The following CNTNAP4 variants were observed in gnomAD, a reference collection of about 807,000 sequenced individuals.
CNTNAP4 encodes contactin-associated protein-like 4.
A neutral mutation model predicts 148.4 loss-of-function variants in CNTNAP4; 98 were observed. The ratio of observed to expected loss-of-function variants is 0.66; its 90% confidence interval spans 0.56 to 0.78. CNTNAP4 has a LOEUF of 0.78. Among genes scored for constraint, CNTNAP4 ranks in the 30% least tolerant of loss-of-function variants. CNTNAP4 has a pLI of 0.00. For synonymous variants in CNTNAP4, 730 were observed against 565.1 expected, an observed-to-expected ratio of 1.29 and a Z score of -4.14; for missense variants, 1,935 against 1,565.6, an observed-to-expected ratio of 1.24 and a Z score of -3.98.
chr16:76,538,909 C>T (rs1270622014), intron 19 of CNTNAP4, among the ~76,000 whole-genome samples: 1 of 151,986 alleles, frequency 6.6e-6, no homozygotes, highest in Non-Finnish European at 1.5e-5. Context: ...TTCTCTTTCC[C>T]ACATCTAGAT....
Position 76,553,033 on chromosome 16 carries a change from C to T in CNTNAP4, c.3443-250C>T, listed in dbSNP as rs977408725. 2.0e-5 allele frequency among the ~76,000 whole-genome samples: 3 copies of T among 152,124 alleles called. No homozygotes were observed. The East Asian group carries it at 5.8e-4, about 29-fold the overall frequency. On this transcript the variant is annotated intron_variant, in intron 21 of 23. Transcript: ENST00000611870. ...CTTCTTAACCTGACCCATTCTTATGCTTTGTTTCTAGGGAGCTTACCATAT... is the reference window on the plus strand; with the variant it reads ...CTTCTTAACCTGACCCATTCTTATGTTTTGTTTCTAGGGAGCTTACCATAT...
intron 3 of CNTNAP4, among the ~76,000 whole-genome samples, chr16:76,383,395 GA>G (rs34346486): frequency 0.13 from 7,719 of 58,218 alleles, 455 homozygotes; most frequent in African/African-American, 0.27. Context: ...TACAGGAACA[GA>G]AAAAAAAAAA....
chr16:76,552,311 ATTTGGATGGG>A (rs2084986011), intron 21 of CNTNAP4, among the ~76,000 whole-genome samples: 1 of 152,088 alleles, frequency 6.6e-6, no homozygotes, highest in Admixed American at 6.6e-5. Context: ...TCAAGATGAG[ATTTGGATGGG>A]GACACAGAGC....
intron 3 of CNTNAP4, among the ~76,000 whole-genome samples, chr16:76,365,162 T>G (rs2013957168): frequency 1.3e-5 from 2 of 152,158 alleles, no homozygotes; most frequent in Non-Finnish European, 2.9e-5. Context: ...TTTTGTCAGG[T>G]TTGTCAAAGA....
chr16:76,398,884 C>T (rs1268334730), intron 3 of CNTNAP4, among the ~76,000 whole-genome samples: 1 of 152,030 alleles, frequency 6.6e-6, no homozygotes, highest in Non-Finnish European at 1.5e-5. Flanking sequence ...TATGGTTTGG[C>T]TGTGTCCTCA....
At chr16:76,487,351 G>A (rs1453621541) in intron 12 of CNTNAP4, among the ~76,000 whole-genome samples, 1 of 152,152 alleles carries the variant, frequency 6.6e-6, no homozygotes, top group Non-Finnish European at 1.5e-5. Context: ...ATTGTTACCA[G>A]ATCACAAACT....
chr16:76,479,671 T>A lies in CNTNAP4; in HGVS notation c.1882+133T>A, dbSNP rs998122796. The A allele has an allele frequency of 1.3e-5, 11 of 853,616 alleles. No individual in the cohort carries two copies. The Admixed American group carries it at 1.7e-4, about 13-fold the overall frequency. 52.9% of individuals were successfully genotyped at this position (853,616 alleles called of 1,614,324 possible). On this transcript the variant is annotated intron_variant, in intron 12 of 23. Coordinates refer to ENST00000611870, the MANE Select transcript of CNTNAP4 (RefSeq NM_033401.5). ...AATATGTATTGTTCCTTAGAAAAAC[T>A]GAACATAAATCTTAAAAAAATAATT...
At position 76,535,612 on chromosome 16, in the gene CNTNAP4, C is replaced by T. The variant is rs2084180701; in HGVS notation, c.2823C>T (p.Thr941=). The T allele has an allele frequency of 1.2e-6, 2 of 1,613,508 alleles. No individual in the cohort carries two copies. The highest frequency in any genetic ancestry group is 1.7e-6 in the Non-Finnish European group (2 of 1,180,004). The part of the protein sequence containing the change: ...CIRSLQLNGM[T]LDLEERAQVT... Reference sequence around the variant, plus strand: ...GGTCTCTGCAGTTGAATGGGATGACCCTGGATTTGGAAGAAAGAGCCCAGG... The same window carrying T: ...GGTCTCTGCAGTTGAATGGGATGACTCTGGATTTGGAAGAAAGAGCCCAGG... Residue 941 remains threonine (T), a synonymous_variant, in exon 18 of 24, where the codon ACC becomes ACT. Transcript: ENST00000611870.
At chr16:76,293,402 T>C (rs1411817524) in intron 1 of CNTNAP4, among the ~76,000 whole-genome samples, 1 of 152,194 alleles carries the variant, frequency 6.6e-6, no homozygotes, top group Non-Finnish European at 1.5e-5. Context: ...ATTTGCTCTA[T>C]CAAACAAAGC....
chr16:76,551,243 T>C (rs1284463841), intron 21 of CNTNAP4, among the ~76,000 whole-genome samples: 1 of 151,912 alleles, frequency 6.6e-6, no homozygotes, highest in African/African-American at 2.4e-5. Flanking sequence ...AAACTCCATC[T>C]CTACTAAAAA....
rs1042203429 is a variant in CNTNAP4 at position 76,438,208 on chromosome 16, G to A, written c.539-9804G>A. Among the ~76,000 whole-genome samples, 7 of 152,080 alleles carry A rather than the reference G, an allele frequency of 4.6e-5. No homozygotes were observed. In the East Asian group the frequency reaches 5.8e-4, roughly 13 times the overall value. On this transcript the variant is annotated intron_variant, in intron 4 of 23. Coordinates refer to ENST00000611870, the MANE Select transcript of CNTNAP4 (RefSeq NM_033401.5). ...GAAGAAGATCAGAGAGCAAGGGTCC[G>A]TGCTCCTGCAGACACATTTCCCTCA...
chr16:76,370,289 G>GA (rs370717129), intron 3 of CNTNAP4, among the ~76,000 whole-genome samples: 140 of 146,962 alleles, frequency 9.5e-4, no homozygotes, highest in Middle Eastern at 3.6e-3. Context: ...TATTCTGACA[G>GA]AAAAAAAAAA....
intron 9 of CNTNAP4, among the ~76,000 whole-genome samples, chr16:76,465,220 C>G (rs949870725): frequency 6.6e-6 from 1 of 152,198 alleles, no homozygotes; most frequent in African/African-American, 2.4e-5. Context: ...ACTAAGTATT[C>G]TTCAGAAATC....
chr16:76,335,843 C>G (rs756559432), intron 2 of CNTNAP4, among the ~76,000 whole-genome samples: 1 of 152,130 alleles, frequency 6.6e-6, no homozygotes, highest in Non-Finnish European at 1.5e-5. Context: ...GGCAAGGTCT[C>G]ACACCTGGGA....
Position 76,507,746 on chromosome 16 carries a change from C to CTAGGT in CNTNAP4, c.2365+9056_2365+9057insTTAGG, listed in dbSNP as rs1293483020. Among the ~76,000 whole-genome samples, 34 of 96,632 alleles carry CTAGGT rather than the reference C, an allele frequency of 3.5e-4. 14 individuals carry two copies. The South Asian group carries it at 0.014, about 39-fold the overall frequency. The allele number at this position is 96,632 out of a possible 152,430, so 63.4% of individuals were successfully genotyped here. A position where few individuals can be genotyped will look rare whatever the true frequency, so the allele number is the denominator to read the frequency against. ...AGAAACAGAGTTTCAGAGTAGAAGC[C>CTAGGT]TAGGCATTCATACACAGGGTTAAAC... On this transcript the variant is annotated intron_variant, in intron 15 of 23. Coordinates refer to ENST00000611870, the MANE Select transcript of CNTNAP4 (RefSeq NM_033401.5).
At chr16:76,499,616 T>A (rs1163861147) in intron 15 of CNTNAP4, among the ~76,000 whole-genome samples, 2 of 151,268 alleles carry the variant, frequency 1.3e-5, no homozygotes, top group African/African-American at 4.9e-5. Flanking sequence ...GAGGGGGATT[T>A]GGCAGGGTCA....
intron 10 of CNTNAP4, among the ~76,000 whole-genome samples, chr16:76,471,442 C>T (rs758622899): frequency 3.3e-5 from 5 of 152,170 alleles, no homozygotes; most frequent in Non-Finnish European, 7.4e-5. Context: ...TGAGTGACAA[C>T]GTCAACCTTG....
At chr16:76,535,422 C>CA in intron 17 of CNTNAP4, 123 bp from the exon 18 acceptor site, 1 of 1,012,004 alleles carries the variant, frequency 9.9e-7, no homozygotes, top group Non-Finnish European at 1.4e-6. Flanking sequence ...ATTGTGTTTC[C>CA]AAAATTATAT....
intron 2 of CNTNAP4, among the ~76,000 whole-genome samples, chr16:76,341,046 A>G (rs1964431356): frequency 6.6e-6 from 1 of 152,186 alleles, no homozygotes; most frequent in South Asian, 2.1e-4. Context: ...GAAGCTCCTT[A>G]ATGTGCTACA....
Sources: gnomAD v4.1 joint callset for allele counts (sites outside exome capture counted in the v4.1 genomes callset) on GRCh38, gnomAD v4.1.1 for gene constraint, MANE v1.5 for transcripts, NCBI Gene and HGNC (gene_info 2026-07-23, HGNC 2026-07-21) for gene names.